ADCY8: variants seen among roughly 807,000 people sequenced by gnomAD.
ADCY8 encodes adenylate cyclase type 8.
In ADCY8, 51 loss-of-function variants were observed where a neutral mutation model predicts 119.7. The observed-to-expected ratio is 0.43, with a 90% confidence interval of 0.34 to 0.54. The LOEUF is 0.54. Ranked by LOEUF, ADCY8 falls within the 20% of genes least tolerant of loss-of-function variation. The probability of loss-of-function intolerance (pLI) is 0.03; values close to 1 mark genes in which losing one functional copy is unlikely to be tolerated. For missense variants in ADCY8, 1,383 were observed against 1,598.8 expected, an observed-to-expected ratio of 0.87 and a Z score of 2.30; for synonymous variants, 665 against 651.0, an observed-to-expected ratio of 1.02 and a Z score of -0.33.
intron 15 of ADCY8, among the ~76,000 whole-genome samples, chr8:130,799,148 G>A (rs1815685024): frequency 6.6e-6 from 1 of 152,096 alleles, no homozygotes; most frequent in South Asian, 2.1e-4. Context: ...GTGGGAAGAG[G>A]GAGATATTAG....
intron 3 of ADCY8, among the ~76,000 whole-genome samples, chr8:130,949,164 G>A (rs547779288): frequency 4.1e-4 from 62 of 152,192 alleles, no homozygotes; most frequent in African/African-American, 1.5e-3. Flanking sequence ...CGGGGTTGGA[G>A]GGGTGGGGGC....
At chr8:130,938,070 G>T (rs1358723381) in intron 4 of ADCY8, among the ~76,000 whole-genome samples, 1 of 152,212 alleles carries the variant, frequency 6.6e-6, no homozygotes, top group Non-Finnish European at 1.5e-5. Context: ...AGTAGAAAGA[G>T]AACTTAAGGT....
chr8:130,973,774 G>T (rs1821992362), intron 2 of ADCY8, among the ~76,000 whole-genome samples: 1 of 152,176 alleles, frequency 6.6e-6, no homozygotes, highest in Non-Finnish European at 1.5e-5. Flanking sequence ...TGTGGCTGTT[G>T]TCACCTAGCT....
intron 14 of ADCY8, among the ~76,000 whole-genome samples, chr8:130,812,423 T>C (rs1816198189): frequency 6.6e-6 from 1 of 152,218 alleles, no homozygotes; most frequent in Admixed American, 6.5e-5. Flanking sequence ...TATTTGGAAA[T>C]AGGGTCTTTG....
chr8:130,838,199 G>T (rs954562130), intron 11 of ADCY8, among the ~76,000 whole-genome samples: 7 of 152,144 alleles, frequency 4.6e-5, no homozygotes, highest in Non-Finnish European at 8.8e-5. Flanking sequence ...TCCTGACTGT[G>T]TTCTCTCAGA....
chr8:131,028,455 G>A (rs1465423123), intron 1 of ADCY8, among the ~76,000 whole-genome samples: 1 of 152,084 alleles, frequency 6.6e-6, no homozygotes, highest in East Asian at 1.9e-4. Flanking sequence ...AATAGGCTGG[G>A]AAGGCTCACC....
At chr8:130,828,711 C>A (rs1816739712) in intron 12 of ADCY8, among the ~76,000 whole-genome samples, 1 of 152,094 alleles carries the variant, frequency 6.6e-6, no homozygotes, top group South Asian at 2.1e-4. Flanking sequence ...CTTCTGAAAC[C>A]AAATTTTAGT....
At chr8:130,936,775 C>G (rs770901839) in intron 5 of ADCY8, among the ~76,000 whole-genome samples, 5 of 152,170 alleles carry the variant, frequency 3.3e-5, no homozygotes, top group Non-Finnish European at 7.3e-5. Flanking sequence ...TCTCTCTGCA[C>G]TGTAACATCC....
intron 2 of ADCY8, among the ~76,000 whole-genome samples, chr8:130,956,191 AT>A (rs1821420553): frequency 1.3e-5 from 2 of 152,316 alleles, no homozygotes; most frequent in African/African-American, 4.8e-5. Flanking sequence ...CTAGATTTGT[AT>A]TTTTGAATGG....
At chr8:130,783,447 C>T (rs1815152400) in intron 17 of ADCY8, among the ~76,000 whole-genome samples, 2 of 152,200 alleles carry the variant, frequency 1.3e-5, no homozygotes, top group Non-Finnish European at 2.9e-5. Context: ...CTAGCATTTG[C>T]CAAAGGCTGG....
chr8:130,818,063 C>T (rs1186473384), intron 13 of ADCY8, among the ~76,000 whole-genome samples: 2 of 152,132 alleles, frequency 1.3e-5, no homozygotes, highest in African/African-American at 2.4e-5. Context: ...GACAGAAATA[C>T]AGTACAAACA....
At chr8:130,936,121 A>T (rs1022261531) in intron 5 of ADCY8, among the ~76,000 whole-genome samples, 1 of 142,256 alleles carries the variant, frequency 7.0e-6, no homozygotes, top group Non-Finnish European at 1.5e-5. Flanking sequence ...ATTTCTGCCT[A>T]TGCATCCTCT....
At chr8:130,893,726 GTGTT>G (rs1011110532) in intron 7 of ADCY8, among the ~76,000 whole-genome samples, 8 of 151,462 alleles carry the variant, frequency 5.3e-5, no homozygotes, top group African/African-American at 1.7e-4. Flanking sequence ...GTTTATGTGT[GTGTT>G]TGTGGGTGTG....
At position 130,903,852 on chromosome 8, in the gene ADCY8, G is replaced by C. The variant is rs112009062; in HGVS notation, c.1831C>G (p.Arg611Gly). 669 of 1,613,904 alleles carry C rather than the reference G, an allele frequency of 4.1e-4. 5 individuals are homozygous for C. In the African/African-American group the frequency reaches 7.6e-3, roughly 18 times the overall value. Reference sequence around the variant, plus strand: ...GTGAATGTGGCCCCACTGTTTCTCCGGTCTGAGGAGCTCACTGACTCCTTG... The same window carrying C: ...GTGAATGTGGCCCCACTGTTTCTCCCGTCTGAGGAGCTCACTGACTCCTTG... The part of the protein sequence containing the change: ...IVKESVSSSD[R>G]RNSGATFTEG... The change falls in exon 7 of 18, where the codon CGG (arginine) becomes GGG (glycine). Residue 611 changes from arginine (R) to glycine (G), a missense_variant. By Grantham distance (125) the Arg-to-Gly change is moderately radical (BLOSUM62 -2). Coordinates refer to ENST00000286355, the MANE Select transcript of ADCY8 (RefSeq NM_001115.3).
At chr8:130,866,012 G>A (rs998536908) in intron 9 of ADCY8, among the ~76,000 whole-genome samples, 1 of 151,986 alleles carries the variant, frequency 6.6e-6, no homozygotes, top group Non-Finnish European at 1.5e-5. Flanking sequence ...TTTGTTCCCC[G>A]GTGTGACATG....
intron 17 of ADCY8, among the ~76,000 whole-genome samples, chr8:130,781,370 G>C (rs752149014): frequency 1.3e-5 from 2 of 152,128 alleles, no homozygotes; most frequent in Non-Finnish European, 2.9e-5. Flanking sequence ...CTTTCTAACT[G>C]TCCTCCCTGT....
intron 2 of ADCY8, among the ~76,000 whole-genome samples, chr8:130,983,946 T>C (rs1453527553): frequency 6.6e-6 from 1 of 152,250 alleles, no homozygotes; most frequent in African/African-American, 2.4e-5. Context: ...ATGAGCTTCC[T>C]ATTTTTTCTT....
rs1187727469 is a variant in ADCY8 at position 130,849,643 on chromosome 8, C to T, written c.2371G>A (p.Ala791Thr). The T allele has an allele frequency of 4.3e-6, 7 of 1,613,988 alleles. No individual in the cohort carries two copies. In the South Asian group the frequency reaches 5.5e-5, roughly 13 times the overall value. Residue 791 changes from alanine (A) to threonine (T), a missense_variant, in exon 10 of 18, where the codon GCA becomes ACA. Around this residue, in one of 2 missense-constraint regions of ADCY8, gnomAD observed 928 missense variants for 1,163.5 expected, o/e 0.80. Coordinates refer to ENST00000286355, the MANE Select transcript of ADCY8 (RefSeq NM_001115.3). ...TYLARNVIIFASILINFLGAI... is the reference protein window; with the variant it reads ...TYLARNVIIFTSILINFLGAI... The stretch of plus-strand genomic sequence containing the variant: ...CCCAGGAAATTAATCAAAATGGATG[C>T]AAAGATGATGACGTTCCGGGCCAAA...
chr8:130,850,182 T>C (rs1208572069), intron 9 of ADCY8, among the ~76,000 whole-genome samples: 2 of 152,146 alleles, frequency 1.3e-5, no homozygotes, highest in African/African-American at 2.4e-5. Flanking sequence ...TTATGAAGAT[T>C]TCCCCCTCCA....
Sources: gnomAD v4.1 joint callset for allele counts (sites outside exome capture counted in the v4.1 genomes callset) on GRCh38, gnomAD v4.1.1 for gene constraint, gnomAD v4.1.1 regional missense constraint, MANE v1.5 for transcripts, NCBI Gene and HGNC (gene_info 2026-07-23, HGNC 2026-07-21) for gene names.